SRXN1: variants seen among roughly 807,000 people sequenced by gnomAD.
SRXN1 encodes the protein sulfiredoxin-1.
Under a neutral mutation model 11.0 loss-of-function variants are expected in SRXN1, and 11 were observed. That is an observed-to-expected ratio of 1.00 (90% CI 0.63 to 1.65). SRXN1 has a LOEUF of 1.65. Among genes scored for constraint, SRXN1 ranks in the 40% most tolerant of loss-of-function variants. The probability of loss-of-function intolerance (pLI) is 0.00; values close to 1 mark genes in which losing one functional copy is unlikely to be tolerated. For missense variants in SRXN1, 211 were observed against 194.5 expected (o/e 1.08, Z -0.50); for synonymous variants, 106 against 92.8 (o/e 1.14, Z -0.82).
In SRXN1 at chr20:646,965, C is replaced by G. The variant is rs1983550109; in HGVS notation, c.*1749G>C. 2.0e-5 allele frequency: 3 copies of G among 152,198 alleles called. No individual in the cohort carries two copies. Among genetic ancestry groups the G allele is most frequent in the Admixed American group, 2.0e-4 (3 of 15,288 alleles). 9.4% of individuals were successfully genotyped at this position (152,198 alleles called of 1,614,324 possible). A position where few individuals can be genotyped will look rare whatever the true frequency, so the allele number is the denominator to read the frequency against. On this transcript the variant is annotated 3_prime_UTR_variant, in exon 2 of 2. Transcript: ENST00000381962. ...GAGAATGCATGGGAAAAGCTCTTGT[C>G]CTTATTATTGAACTGGAGAAACTGA...
At chr20:651,314 A>G (rs1983665568) in intron 1 of SRXN1, among the ~76,000 whole-genome samples, 1 of 152,226 alleles carries the variant, frequency 6.6e-6, no homozygotes, top group African/African-American at 2.4e-5. Context: ...GTGGCCCCAG[A>G]AAACTAATAC....
chr20:648,345 T>C lies in SRXN1; in HGVS notation c.*369A>G. On this transcript the variant is annotated 3_prime_UTR_variant, in exon 2 of 2. Transcript: ENST00000381962. Reference sequence around the variant, plus strand: ...TTTGTTTAAACCACTGCAATCAAGGTTTTCCTTTCCTTGCAGCTGAATGTA... The same window carrying C: ...TTTGTTTAAACCACTGCAATCAAGGCTTTCCTTTCCTTGCAGCTGAATGTA... 1 of 477,068 alleles carries C rather than the reference T, an allele frequency of 2.1e-6. No individual in the cohort carries two copies. The highest frequency in any genetic ancestry group is 4.1e-6 in the Non-Finnish European group (1 of 241,274). The allele number at this position is 477,068 out of a possible 1,614,324, so 29.6% of individuals were successfully genotyped here.
Position 653,172 on chromosome 20 carries a change from G to C in SRXN1, c.14C>G (p.Ala5Gly). Residue 5 changes from alanine to glycine, a missense_variant, in exon 1 of 2, where the codon GCA becomes GGA. Physicochemically the swap from Ala to Gly is moderately conservative, Grantham distance 60. Transcript: ENST00000381962. The stretch of plus-strand genomic sequence containing the variant: ...GCCGGCCCTGCCCAGCGTTCCTCCT[G>C]CACGCAGCCCCATCGTCGCCGCCGC... Reference protein sequence around the residue: MGLRAGGTLGRAGAG... With the variant: MGLRGGGTLGRAGAG... 1 of 1,262,812 alleles carries C rather than the reference G, an allele frequency of 7.9e-7. No homozygotes were observed. The highest frequency in any genetic ancestry group is 9.9e-7 in the Non-Finnish European group (1 of 1,006,252). The allele number at this position is 1,262,812 out of a possible 1,614,324, so 78.2% of individuals were successfully genotyped here. A position where few individuals can be genotyped will look rare whatever the true frequency, so the allele number is the denominator to read the frequency against.
rs750958953 is a variant in SRXN1, at chr20:648,848, A to G, written c.280T>C (p.Tyr94His). Reference sequence around the variant, plus strand: ...TAGCGGTGGCAGCCCCCAAAGGAGTAGAAGTAGTCACCTCCCTGGGCCCCT... The same window carrying G: ...TAGCGGTGGCAGCCCCCAAAGGAGTGGAAGTAGTCACCTCCCTGGGCCCCT... ...IKGAQGGDYF[Y>H]SFGGCHRYAA... Residue 94 changes from tyrosine (Y) to histidine (H), a missense_variant, in exon 2 of 2, where the codon TAC becomes CAC. By Grantham distance (83) the Tyr-to-His change is moderately conservative. Transcript: ENST00000381962. 3.1e-6 allele frequency: 5 copies of G among 1,613,852 alleles called. No homozygotes were observed. The highest frequency in any genetic ancestry group is 3.4e-6 in the Non-Finnish European group (4 of 1,180,050).
intron 1 of SRXN1, among the ~76,000 whole-genome samples, chr20:652,322 T>A (rs1215333478): frequency 6.6e-6 from 1 of 152,168 alleles, no homozygotes; most frequent in Non-Finnish European, 1.5e-5. Context: ...CAACGTTATG[T>A]AGGCCTAACC....
rs1983594600 is a variant in SRXN1, at chr20:648,599, C to G, written c.*115G>C. On this transcript the variant is annotated 3_prime_UTR_variant, in exon 2 of 2. Coordinates refer to ENST00000381962, the MANE Select transcript of SRXN1 (RefSeq NM_080725.3). ...AGAGGGGTGCCCAGAGTCAGACCCT[C>G]TCGCCAGGTGCAAAGAGAATGCACC... 1 of 1,220,906 alleles carries G rather than the reference C, an allele frequency of 8.2e-7. No homozygotes were observed. The highest frequency in any genetic ancestry group is 1.2e-6 in the Non-Finnish European group (1 of 847,478). 75.6% of individuals were successfully genotyped at this position (1,220,906 alleles called of 1,614,324 possible).
chr20:647,849 A>G lies in SRXN1; in HGVS notation c.*865T>C. ...ACACAGCAAAAGCTAACTGGTACAC[A>G]ATTCTGCATTTCTCTCTTGGTAATG... On this transcript the variant is annotated 3_prime_UTR_variant, in exon 2 of 2. Transcript: ENST00000381962. The G allele has an allele frequency of 2.8e-6, 1 of 352,364 alleles. No individual in the cohort carries two copies. The highest frequency in any genetic ancestry group is 5.6e-6 in the Non-Finnish European group (1 of 178,818). The allele number at this position is 352,364 out of a possible 1,614,324, so 21.8% of individuals were successfully genotyped here.
chr20:651,326 G>A (rs933248144), intron 1 of SRXN1, among the ~76,000 whole-genome samples: 2 of 152,208 alleles, frequency 1.3e-5, no homozygotes, highest in African/African-American at 2.4e-5. Flanking sequence ...AACTAATACA[G>A]GTGTATGTAA....
At chr20:652,379 C>G (rs1005149865) in intron 1 of SRXN1, among the ~76,000 whole-genome samples, 1 of 152,118 alleles carries the variant, frequency 6.6e-6, no homozygotes, top group Non-Finnish European at 1.5e-5. Context: ...AGAATCACTC[C>G]GGTATTCTTA....
rs765342376 is a variant in SRXN1 at position 647,951 on chromosome 20, A to G, written c.*763T>C. 31 of 402,986 alleles carry G rather than the reference A, an allele frequency of 7.7e-5. No homozygotes were observed. Among genetic ancestry groups the G allele is most frequent in the Non-Finnish European group, 1.3e-4 (26 of 200,330 alleles). The allele number at this position is 402,986 out of a possible 1,614,324, so 25.0% of individuals were successfully genotyped here. A position where few individuals can be genotyped will look rare whatever the true frequency, so the allele number is the denominator to read the frequency against. On this transcript the variant is annotated 3_prime_UTR_variant, in exon 2 of 2. Coordinates refer to ENST00000381962, the MANE Select transcript of SRXN1 (RefSeq NM_080725.3). ...ACGATTGGTCTATTCAGCCATGACA[A>G]TTCTGTTCCCTGCTGTCTTAGCTTT...
chr20:652,066 G>A (rs1397937931), intron 1 of SRXN1, among the ~76,000 whole-genome samples: 1 of 152,228 alleles, frequency 6.6e-6, no homozygotes, highest in East Asian at 1.9e-4. Flanking sequence ...GTGGTATCCT[G>A]AAAAACATCT....
chr20:649,509 C>A (rs1455684041), intron 1 of SRXN1, among the ~76,000 whole-genome samples: 2 of 152,126 alleles, frequency 1.3e-5, no homozygotes, highest in Non-Finnish European at 2.9e-5. Flanking sequence ...TGAGACCAGC[C>A]TGGCCAAAAT....
At position 648,576 on chromosome 20, in the gene SRXN1, A is replaced by G; in HGVS notation, c.*138T>C. ...AGTCCAAGGCCTTGTAGCTGGTGAG[A>G]GGGGTGCCCAGAGTCAGACCCTCTC... On this transcript the variant is annotated 3_prime_UTR_variant, in exon 2 of 2. Coordinates refer to ENST00000381962, the MANE Select transcript of SRXN1 (RefSeq NM_080725.3). The G allele has an allele frequency of 1.1e-6, 1 of 943,766 alleles. No homozygotes were observed. Among genetic ancestry groups the G allele is most frequent in the Non-Finnish European group, 1.6e-6 (1 of 608,296 alleles). 58.5% of individuals were successfully genotyped at this position (943,766 alleles called of 1,614,324 possible). A position where few individuals can be genotyped will look rare whatever the true frequency, so the allele number is the denominator to read the frequency against.
chr20:648,909 T>C lies in SRXN1; in HGVS notation c.219A>G (p.Pro73=). The change falls in exon 2 of 2, where the codon CCA becomes CCG. Residue 73 remains proline (P), a synonymous_variant. Transcript: ENST00000381962. The part of the protein sequence containing the change: ...QSLVDTIRED[P]DSVPPIDVLW... ...GGACATCGATGGGGGGCACGCTGTCTGGGTCCTCCTGGGGAGAAGAGGCAC... is the reference window on the plus strand; with the variant it reads ...GGACATCGATGGGGGGCACGCTGTCCGGGTCCTCCTGGGGAGAAGAGGCAC... 1 of 1,614,056 alleles carries C rather than the reference T, an allele frequency of 6.2e-7. No homozygotes were observed. Among genetic ancestry groups the C allele is most frequent in the African/African-American group, 1.3e-5 (1 of 75,062 alleles).
intron 1 of SRXN1, among the ~76,000 whole-genome samples, chr20:651,464 G>A (rs969607702): frequency 1.8e-4 from 28 of 152,200 alleles, no homozygotes; most frequent in Non-Finnish European, 3.5e-4. Flanking sequence ...TGGGCAGATC[G>A]CTTGAGGTCT....
Position 652,960 on chromosome 20 carries a change from C to A in SRXN1, c.210+16G>T. ...GAAGCCCTCCCTCCGGTTGGCTGGA[C>A]TCCCCGAGGCCTCACCCGGATCGTG... On this transcript the variant is annotated intron_variant, in intron 1 of 1. Coordinates refer to ENST00000381962, the MANE Select transcript of SRXN1 (RefSeq NM_080725.3). 1 of 1,439,308 alleles carries A rather than the reference C, an allele frequency of 6.9e-7. No homozygotes were observed. The highest frequency in any genetic ancestry group is 9.2e-7 in the Non-Finnish European group (1 of 1,084,904). 89.2% of individuals were successfully genotyped at this position (1,439,308 alleles called of 1,614,324 possible).
Position 653,087 on chromosome 20 carries a change from G to A in SRXN1, c.99C>T (p.Ile33=). 1.3e-6 allele frequency: 2 copies of A among 1,484,324 alleles called. No individual in the cohort carries two copies. Among genetic ancestry groups the A allele is most frequent in the African/African-American group, 1.4e-5 (1 of 69,304 alleles). The allele number at this position is 1,484,324 out of a possible 1,614,324, so 91.9% of individuals were successfully genotyped here. A position where few individuals can be genotyped will look rare whatever the true frequency, so the allele number is the denominator to read the frequency against. Residue 33 remains isoleucine, a synonymous_variant, in exon 1 of 2, where the codon ATC becomes ATT. Coordinates refer to ENST00000381962, the MANE Select transcript of SRXN1 (RefSeq NM_080725.3). ...GPSGGAQGGS[I]HSGRIAAVHN... Reference sequence around the variant, plus strand: ...GCACCGCGGCGATGCGGCCCGAGTGGATGCTGCCGCCCTGCGCGCCGCCGC... The same window carrying A: ...GCACCGCGGCGATGCGGCCCGAGTGAATGCTGCCGCCCTGCGCGCCGCCGC...
chr20:650,181 A>C (rs1983636597), intron 1 of SRXN1, among the ~76,000 whole-genome samples: 1 of 152,120 alleles, frequency 6.6e-6, no homozygotes, highest in Non-Finnish European at 1.5e-5. Context: ...GGGTGACATG[A>C]TCTGATGCAT....
rs2061228412 is a variant in SRXN1 at position 648,056 on chromosome 20, A to C, written c.*658T>G. 2 of 456,152 alleles carry C rather than the reference A, an allele frequency of 4.4e-6. No individual in the cohort carries two copies. The highest frequency in any genetic ancestry group is 2.3e-5 in the Admixed American group (1 of 42,566). The allele number at this position is 456,152 out of a possible 1,614,324, so 28.3% of individuals were successfully genotyped here. On this transcript the variant is annotated 3_prime_UTR_variant, in exon 2 of 2. Coordinates refer to ENST00000381962, the MANE Select transcript of SRXN1 (RefSeq NM_080725.3). ...AGATATGCAGAGGGAGAGAGCAGGA[A>C]ACAGACTTCTGACGAGGTTTTACTT...
Sources: allele counts gnomAD v4.1 joint callset (sites outside exome capture counted in the v4.1 genomes callset), GRCh38; gene constraint gnomAD v4.1.1; transcripts MANE v1.5; gene names NCBI Gene and HGNC (gene_info 2026-07-23, HGNC 2026-07-21).